RSRC1: variants seen among roughly 807,000 people sequenced by gnomAD.
RSRC1 encodes the protein arginine and serine rich coiled-coil 1.
A neutral mutation model predicts 49.1 loss-of-function variants in RSRC1; 39 were observed. That is an observed-to-expected ratio of 0.79 (90% CI 0.61 to 1.04). The LOEUF (loss-of-function observed/expected upper bound fraction) is 1.04. RSRC1 is among the 50% of genes least tolerant of loss of function. The probability of loss-of-function intolerance (pLI) is 0.00; values close to 1 mark genes in which losing one functional copy is unlikely to be tolerated. For synonymous variants in RSRC1, 143 were observed against 130.8 expected (o/e 1.09, Z -0.63); for missense variants, 388 against 402.4 (o/e 0.96, Z 0.31).
At chr3:158,487,946 C>CAAAA (rs1303656428) in intron 7 of RSRC1, among the ~76,000 whole-genome samples, 13 of 11,482 alleles carry the variant, frequency 1.1e-3, no homozygotes, top group South Asian at 4.3e-3. Flanking sequence ...GACTCCATCT[C>CAAAA]AAGAAAAAAA....
At chr3:158,151,653 G>A (rs147538627) in intron 3 of RSRC1, among the ~76,000 whole-genome samples, 1 of 152,164 alleles carries the variant, frequency 6.6e-6, no homozygotes, top group Non-Finnish European at 1.5e-5. Flanking sequence ...GTGCTGCGCG[G>A]TGTGAATGCA....
Position 158,190,395 on chromosome 3 carries a change from C to G in RSRC1, c.321-12677C>G, listed in dbSNP as rs113091479. ...TGCCTCTTCTTTCTATAACTTTTTTCTGAAATTTTCTACTACTTTTGTTTT... is the reference window on the plus strand; with the variant it reads ...TGCCTCTTCTTTCTATAACTTTTTTGTGAAATTTTCTACTACTTTTGTTTT... On this transcript the variant is annotated intron_variant, in intron 3 of 9. Coordinates refer to ENST00000611884, the MANE Select transcript of RSRC1 (RefSeq NM_001271838.2). Among the ~76,000 whole-genome samples the G allele has an allele frequency of 9.0e-3, 1,363 of 151,910 alleles. 22 individuals are homozygous for G. The highest frequency in any genetic ancestry group is 0.032 in the African/African-American group (1,326 of 41,514).
chr3:158,349,571 A>G (rs1276929301), intron 5 of RSRC1, among the ~76,000 whole-genome samples: 1 of 142,826 alleles, frequency 7.0e-6, no homozygotes, highest in East Asian at 2.0e-4. Flanking sequence ...GTTTTCTTTT[A>G]TACAGTCAAA....
chr3:158,129,757 A>G (rs1298054422), intron 3 of RSRC1, among the ~76,000 whole-genome samples: 3 of 152,210 alleles, frequency 2.0e-5, no homozygotes, highest in Non-Finnish European at 4.4e-5. Context: ...AGTAAGTCTT[A>G]AAGTTAGGTG....
chr3:158,410,811 A>G (rs150228895), intron 6 of RSRC1, among the ~76,000 whole-genome samples: 61 of 152,272 alleles, frequency 4.0e-4, no homozygotes, highest in Non-Finnish European at 8.1e-4. Flanking sequence ...ATTATAAAGC[A>G]GTATTATAAT....
chr3:158,448,507 A>G (rs1736851158), intron 6 of RSRC1, among the ~76,000 whole-genome samples: 1 of 151,952 alleles, frequency 6.6e-6, no homozygotes, highest in African/African-American at 2.4e-5. Flanking sequence ...ATTTAAAAAA[A>G]CTATCAGCTA....
chr3:158,507,700 A>C (rs1459490656), intron 7 of RSRC1, among the ~76,000 whole-genome samples: 1 of 152,138 alleles, frequency 6.6e-6, no homozygotes, highest in Non-Finnish European at 1.5e-5. Context: ...CTATTGTTTA[A>C]AAAAATACAA....
At chr3:158,224,949 A>G (rs1440531465) in intron 4 of RSRC1, among the ~76,000 whole-genome samples, 1 of 151,918 alleles carries the variant, frequency 6.6e-6, no homozygotes. Context: ...CTGGCTAAGT[A>G]AATGCCTATA....
chr3:158,131,635 T>TA lies in RSRC1; in HGVS notation c.320+7644_320+7645insA, dbSNP rs551202484. On this transcript the variant is annotated intron_variant, in intron 3 of 9. Coordinates refer to ENST00000611884, the MANE Select transcript of RSRC1 (RefSeq NM_001271838.2). ...CTCTCCGGGTTCTTTTGCATGAATA[T>TA]TTTTTCTTTCATAGTGGTATACTTT... Among the ~76,000 whole-genome samples, 28 of 152,298 alleles carry TA rather than the reference T, an allele frequency of 1.8e-4. No homozygotes were observed. The East Asian group carries it at 3.3e-3, about 18-fold the overall frequency.
At chr3:158,477,003 C>T (rs1286596889) in intron 7 of RSRC1, among the ~76,000 whole-genome samples, 1 of 152,126 alleles carries the variant, frequency 6.6e-6, no homozygotes, top group African/African-American at 2.4e-5. Context: ...GGGCTCAAGA[C>T]TTCAGTGGAG....
chr3:158,144,201 T>C lies in RSRC1; in HGVS notation c.320+20210T>C, dbSNP rs547205236. ...GCACAACGTGCAGGTTTGTTACATA[T>C]GTATACTTGTGCCATGTTGGTGTGC... On this transcript the variant is annotated intron_variant, in intron 3 of 9. Transcript: ENST00000611884. Among the ~76,000 whole-genome samples the C allele has an allele frequency of 2.6e-5, 4 of 152,320 alleles. No individual in the cohort carries two copies. The South Asian group carries it at 8.3e-4, about 32-fold the overall frequency.
chr3:158,114,222 C>T (rs1209936133), intron 1 of RSRC1, among the ~76,000 whole-genome samples: 1 of 152,128 alleles, frequency 6.6e-6, no homozygotes, highest in Non-Finnish European at 1.5e-5. Context: ...TATGGCTAGC[C>T]AGTTCTCCCA....
At chr3:158,327,726 G>T in intron 5 of RSRC1, among the ~76,000 whole-genome samples, 1 of 152,168 alleles carries the variant, frequency 6.6e-6, no homozygotes, top group East Asian at 1.9e-4. Context: ...GGGGTGGAGA[G>T]TTCTGTAGAT....
intron 6 of RSRC1, among the ~76,000 whole-genome samples, chr3:158,442,676 C>T (rs190024452): frequency 6.6e-6 from 1 of 152,214 alleles, no homozygotes; most frequent in Non-Finnish European, 1.5e-5. Context: ...CACAAATGTT[C>T]TTAATGGCAT....
At chr3:158,274,059 T>G (rs1725669553) in intron 4 of RSRC1, among the ~76,000 whole-genome samples, 1 of 152,164 alleles carries the variant, frequency 6.6e-6, no homozygotes, top group South Asian at 2.1e-4. Context: ...TGTTGCCCAT[T>G]TGGAAACCGA....
rs572344245 is a variant in RSRC1 at position 158,136,190 on chromosome 3, G to A, written c.320+12199G>A. ...TCAGCCTGAGTCTCAGTATCTTCAT[G>A]TATAAAGTATTATGCTCATTCTAGT... On this transcript the variant is annotated intron_variant, in intron 3 of 9. Transcript: ENST00000611884. Among the ~76,000 whole-genome samples, 9 of 152,304 alleles carry A rather than the reference G, an allele frequency of 5.9e-5. 1 individual carries two copies. The South Asian group carries it at 1.9e-3, about 32-fold the overall frequency.
intron 4 of RSRC1, among the ~76,000 whole-genome samples, chr3:158,254,061 C>T (rs1724387557): frequency 6.6e-6 from 1 of 152,094 alleles, no homozygotes; most frequent in African/African-American, 2.4e-5. Context: ...TGATGGTTTC[C>T]AGCTTCATCC....
At chr3:158,326,494 G>T (rs536158102) in intron 5 of RSRC1, among the ~76,000 whole-genome samples, 13 of 152,188 alleles carry the variant, frequency 8.5e-5, no homozygotes, top group Admixed American at 5.9e-4. Flanking sequence ...TAATCATGTG[G>T]TTTTTGTCTT....
intron 6 of RSRC1, among the ~76,000 whole-genome samples, chr3:158,386,299 TAGG>T (rs1448659818): frequency 1.3e-5 from 2 of 152,206 alleles, no homozygotes; most frequent in East Asian, 1.9e-4. Flanking sequence ...GAAATTTAAA[TAGG>T]AGAAGTACAT....
Sources: allele counts gnomAD v4.1 joint callset (sites outside exome capture counted in the v4.1 genomes callset), GRCh38; gene constraint gnomAD v4.1.1; transcripts MANE v1.5; gene names NCBI Gene and HGNC (gene_info 2026-07-23, HGNC 2026-07-21).